The following PHKG1 variants were observed in gnomAD, a reference collection of about 807,000 sequenced individuals.
PHKG1 encodes the protein phosphorylase b kinase gamma catalytic chain, skeletal muscle/heart isoform.
Under a neutral mutation model 50.5 loss-of-function variants are expected in PHKG1, and 48 were observed. The ratio of observed to expected loss-of-function variants is 0.95; its 90% CI spans 0.75 to 1.21. The LOEUF (loss-of-function observed/expected upper bound fraction) is 1.21, where lower values mean the gene tolerates loss of function less well. PHKG1 is among the 50% of genes most tolerant of loss of function. The pLI is 0.00. For missense variants in PHKG1, 487 were observed against 519.5 expected (o/e 0.94, Z 0.61); for synonymous variants, 204 against 212.8 (o/e 0.96, Z 0.36).
At position 56,082,026 on chromosome 7, in the gene PHKG1, A is replaced by T; in HGVS notation, c.659T>A (p.Met220Lys). Residue 220 changes from methionine to lysine, a missense_variant, in exon 8 of 10, where the codon ATG (methionine) becomes AAG (lysine). Physicochemically the swap from Met to Lys is moderately conservative, Grantham distance 95 (BLOSUM62 -1). Transcript: ENST00000297373. ...CGGGGAGCCGGCCAGCAGCGTGTAC[A>T]TGATGACGCCAGTGCTCCACCTGGA... is the stretch of plus-strand genomic sequence containing the variant. Reference protein sequence around the residue: ...EVDMWSTGVIMYTLLAGSPPF... With the variant: ...EVDMWSTGVIKYTLLAGSPPF... 1.9e-6 allele frequency: 3 copies of T among 1,613,654 alleles called. No homozygotes were observed. The highest frequency in any genetic ancestry group is 1.3e-5 in the African/African-American group (1 of 75,040).
Position 56,082,153 on chromosome 7 carries a change from G to A in PHKG1, c.638+10C>T. ...CTAGCTGGGTGCTCCTCCTTTCCCG[G>A]CGCACTCACATGTCCACCTCTTTCC... On this transcript the variant is annotated intron_variant, in intron 7 of 9. Coordinates refer to ENST00000297373, the MANE Select transcript of PHKG1 (RefSeq NM_006213.5). The A allele has an allele frequency of 6.2e-7, 1 of 1,613,354 alleles. No individual in the cohort carries two copies. The highest frequency in any genetic ancestry group is 8.5e-7 in the Non-Finnish European group (1 of 1,179,578).
chr7:56,089,173 G>A (rs1796392192), intron 1 of PHKG1, among the ~76,000 whole-genome samples, 198 bp from the exon 2 acceptor site: 1 of 152,106 alleles, frequency 6.6e-6, no homozygotes, highest in African/African-American at 2.4e-5. Context: ...GGAGGCTGAG[G>A]CAGATAGATC....
In PHKG1 at chr7:56,081,810, GTCAGGAAAGGCAGGGCC is replaced by G; in HGVS notation, c.792+66_793-56del. ...TGTCAAGGCAGGTCCCCTCCAGCAT[GTCAGGAAAGGCAGGGCC>G]TCCCCGGGCAGGGGCGCCTGGCATC... On this transcript the variant is annotated intron_variant, in intron 8 of 9. Transcript: ENST00000297373. This position sits in a 1 kb window ranked among gnomAD's most constrained non-coding sequence, Gnocchi z 4.6. 1 of 1,608,796 alleles carries G rather than the reference GTCAGGAAAGGCAGGGCC, an allele frequency of 6.2e-7. No individual in the cohort carries two copies. Among genetic ancestry groups the G allele is most frequent in the Non-Finnish European group, 8.5e-7 (1 of 1,176,638 alleles).
intron 3 of PHKG1, 84 bp downstream of exon 3, chr7:56,087,514 G>C (rs1584629023): frequency 1.5e-6 from 2 of 1,362,606 alleles, no homozygotes; most frequent in East Asian, 4.7e-5. Context: ...TTGGCTGTGC[G>C]GTGGGGCCAC....
At chr7:56,082,336 T>C in intron 6 of PHKG1, 83 bp from the exon 7 acceptor site, 2 of 1,089,992 alleles carry the variant, frequency 1.8e-6, no homozygotes, top group Admixed American at 3.8e-5. Flanking sequence ...CTCATTTCTA[T>C]AATCCTAGCA....
intron 3 of PHKG1, 73 bp from the exon 4 acceptor site, chr7:56,087,097 A>G (rs1796285217): frequency 1.8e-6 from 2 of 1,133,032 alleles, no homozygotes; most frequent in Non-Finnish European, 2.7e-6. Flanking sequence ...CACGGGGGTC[A>G]GGGACCGAGG....
At chr7:56,088,787 C>T (rs928465829) in intron 2 of PHKG1, 72 bp downstream of exon 2, 4 of 1,008,506 alleles carry the variant, frequency 4.0e-6, no homozygotes, top group Non-Finnish European at 6.2e-6. Flanking sequence ...CGGGGTGGAG[C>T]AGAGCTGGCT....
intron 4 of PHKG1, chr7:56,084,370 ATTTTTTT>A (rs534790677): frequency 1.2e-5 from 5 of 408,944 alleles, no homozygotes; most frequent in African/African-American, 5.0e-5. Flanking sequence ...GAGTATCCCG[ATTTTTTT>A]TTTTTTTTTT....
chr7:56,087,333 T>C (rs1178880940), intron 3 of PHKG1, among the ~76,000 whole-genome samples: 1 of 151,940 alleles, frequency 6.6e-6, no homozygotes, highest in Non-Finnish European at 1.5e-5. Flanking sequence ...GTGATGCTCC[T>C]GCTTCAGCCT....
rs763340575 is a variant in PHKG1 at position 56,087,694 on chromosome 7, C to T, written c.166G>A (p.Gly56Arg). 9.9e-6 allele frequency: 16 copies of T among 1,613,866 alleles called. No individual in the cohort carries two copies. The South Asian group carries it at 1.4e-4, about 14-fold the overall frequency. ...ACCTCCTCCGGGCTGAAGCTGCCTC[C>T]ACCGGTGACGTCGATGACCTTCACG... The part of the protein sequence containing the change: ...YAVKVIDVTG[G>R]GSFSPEEVRE... The change falls in exon 3 of 10, where the codon GGA (glycine) becomes AGA (arginine). Residue 56 changes from glycine to arginine, a missense_variant. Transcript: ENST00000297373.
chr7:56,090,644 A>G (rs1002213389), intron 1 of PHKG1, among the ~76,000 whole-genome samples: 3 of 152,070 alleles, frequency 2.0e-5, no homozygotes, highest in Non-Finnish European at 4.4e-5. Flanking sequence ...TGTCCTAGCC[A>G]TCTCTGCCCC....
At chr7:56,088,354 TTA>T (rs201820572) in intron 2 of PHKG1, among the ~76,000 whole-genome samples, 39 of 149,500 alleles carry the variant, frequency 2.6e-4, no homozygotes, top group South Asian at 4.2e-4. Context: ...CCCCCCCTTT[TTA>T]AAAAAAAAAA....
Position 56,083,693 on chromosome 7 carries a change from CA to C in PHKG1, c.339del (p.Phe113LeufsTer10). On this transcript the variant is annotated frameshift_variant, in exon 5 of 10. Transcript: ENST00000297373. LOFTEE classifies it high-confidence loss of function. ...AAGGTGACCTTCTCAGTGAGGTAGT[CA>C]AAGAGCTCCCCTCTCTTCATCCTGT... is the stretch of plus-strand genomic sequence containing the variant. ...VFDLMKRGEL[F>X]DYLTEKVTLS... The C allele has an allele frequency of 6.3e-7, 1 of 1,582,828 alleles. No homozygotes were observed. The highest frequency in any genetic ancestry group is 1.8e-5 in the Admixed American group (1 of 56,524).
intron 1 of PHKG1, among the ~76,000 whole-genome samples, chr7:56,090,966 C>A (rs1382340842): frequency 6.6e-6 from 1 of 152,204 alleles, no homozygotes; most frequent in African/African-American, 2.4e-5. Context: ...CATCCCAGCA[C>A]TTTGGGAGGC....
chr7:56,082,398 G>C, intron 6 of PHKG1, 145 bp from the exon 7 acceptor site: 1 of 606,254 alleles, frequency 1.6e-6, no homozygotes, highest in South Asian at 2.0e-5. Flanking sequence ...TTCGAGACCA[G>C]CCTGGCCAAC....
intron 2 of PHKG1, 42 bp downstream of exon 2, chr7:56,088,817 G>T: frequency 7.1e-7 from 1 of 1,407,630 alleles, no homozygotes; most frequent in Non-Finnish European, 1.0e-6. Flanking sequence ...AGGGTCTGCT[G>T]GAGCCTAGGA....
At position 56,081,391 on chromosome 7, in the gene PHKG1, G is replaced by A. The variant is rs1000385302; in HGVS notation, c.919-92C>T. The A allele has an allele frequency of 1.5e-5, 22 of 1,464,404 alleles. No homozygotes were observed. Among genetic ancestry groups the A allele is most frequent in the Admixed American group, 4.5e-5 (2 of 44,384 alleles). 90.7% of individuals were successfully genotyped at this position (1,464,404 alleles called of 1,614,324 possible). A position where few individuals can be genotyped will look rare whatever the true frequency, so the allele number is the denominator to read the frequency against. ...GGGACGCTCTGGGCTCGTTTGCCAC[G>A]AAGCCTTGGGTGGCTTCTGCGGGGC... On this transcript the variant is annotated intron_variant, in intron 9 of 9. Transcript: ENST00000297373. This position sits in a 1 kb window ranked among gnomAD's most constrained non-coding sequence, Gnocchi z 4.6.
At chr7:56,086,892 A>G in intron 4 of PHKG1, 78 bp downstream of exon 4, 4 of 1,101,154 alleles carry the variant, frequency 3.6e-6, no homozygotes, top group Non-Finnish European at 5.6e-6. Flanking sequence ...TGTGGTCTCC[A>G]GGCAGCCCTG....
At chr7:56,089,803 C>T (rs904269045) in intron 1 of PHKG1, among the ~76,000 whole-genome samples, 2 of 152,088 alleles carry the variant, frequency 1.3e-5, no homozygotes, top group African/African-American at 2.4e-5. Flanking sequence ...GGATTAAAGG[C>T]GTGAAACACC....
Sources: gnomAD v4.1 joint callset for allele counts (sites outside exome capture counted in the v4.1 genomes callset) on GRCh38, gnomAD v4.1.1 for gene constraint, Gnocchi (gnomAD v3.1) non-coding constraint, MANE v1.5 for transcripts, NCBI Gene and HGNC (gene_info 2026-07-23, HGNC 2026-07-21) for gene names.